Variants in CDH12 observed in about 807,000 individuals in gnomAD.
CDH12 encodes cadherin 12, also known as cadherin-12.
CDH12 carries 41 observed loss-of-function variants against 74.1 expected under a neutral mutation model. That is an observed-to-expected ratio of 0.55 (90% confidence interval 0.43 to 0.72). The LOEUF (loss-of-function observed/expected upper bound fraction) is 0.72. Ranked by LOEUF, CDH12 falls within the 30% of genes least tolerant of loss-of-function variation. CDH12 has a pLI of 0.00. For synonymous variants in CDH12, 399 were observed against 355.0 expected (o/e 1.12, Z -1.39); for missense variants, 945 against 977.2 (o/e 0.97, Z 0.44).
At chr5:22,503,295 T>C (rs898782757) in intron 2 of CDH12, among the ~76,000 whole-genome samples, 2 of 152,034 alleles carry the variant, frequency 1.3e-5, no homozygotes, top group African/African-American at 4.8e-5. Context: ...CCCTATGTGA[T>C]TGTTGAAAAA....
chr5:22,719,030 C>T (rs112716970), intron 1 of CDH12, among the ~76,000 whole-genome samples: 83 of 151,912 alleles, frequency 5.5e-4, no homozygotes, highest in African/African-American at 1.5e-3. Context: ...TTATCCCACC[C>T]GATGGTGGTT....
intron 3 of CDH12, among the ~76,000 whole-genome samples, chr5:22,348,782 G>T (rs180832508): frequency 4.8e-4 from 73 of 152,302 alleles, no homozygotes; most frequent in African/African-American, 1.6e-3. Flanking sequence ...TGTCCATAAT[G>T]CTAGGCACTC....
chr5:22,552,517 C>T (rs987253614), intron 1 of CDH12, among the ~76,000 whole-genome samples: 2 of 151,860 alleles, frequency 1.3e-5, no homozygotes, highest in African/African-American at 4.8e-5. Flanking sequence ...CAACCTCTGC[C>T]TCCTGGGTTC....
intron 3 of CDH12, among the ~76,000 whole-genome samples, chr5:22,377,268 A>G (rs1741568682): frequency 1.3e-5 from 2 of 152,208 alleles, no homozygotes; most frequent in Non-Finnish European, 2.9e-5. Context: ...AAAAACTTAC[A>G]TATTACAGTG....
intron 3 of CDH12, among the ~76,000 whole-genome samples, chr5:22,283,354 A>T (rs1305090119): frequency 6.7e-6 from 1 of 150,302 alleles, no homozygotes; most frequent in Non-Finnish European, 1.5e-5. Flanking sequence ...TATCACATTT[A>T]TATGTATCAC....
At chr5:22,681,577 A>G (rs1044260786) in intron 1 of CDH12, among the ~76,000 whole-genome samples, 2 of 152,094 alleles carry the variant, frequency 1.3e-5, no homozygotes, top group African/African-American at 4.8e-5. Context: ...AAACTATAAA[A>G]GGAGCAATTT....
intron 1 of CDH12, among the ~76,000 whole-genome samples, chr5:22,787,100 C>T (rs1364369188): frequency 6.6e-6 from 1 of 151,788 alleles, no homozygotes; most frequent in African/African-American, 2.4e-5. Context: ...ATTCACTGAA[C>T]TCGTGCATGT....
intron 1 of CDH12, among the ~76,000 whole-genome samples, chr5:22,536,470 A>T (rs974668555): frequency 2.0e-5 from 3 of 151,950 alleles, no homozygotes; most frequent in Non-Finnish European, 2.9e-5. Context: ...TGGCTTGCTG[A>T]TATTTTTGTA....
chr5:22,039,136 G>GGGAGCCT (rs1739397021), intron 5 of CDH12, among the ~76,000 whole-genome samples: 1 of 152,088 alleles, frequency 6.6e-6, no homozygotes. Context: ...GCAGGATCCA[G>GGGAGCCT]GGTCTACTAC....
intron 9 of CDH12, among the ~76,000 whole-genome samples, chr5:21,814,707 G>A (rs868477713): frequency 1.3e-5 from 2 of 149,652 alleles, no homozygotes; most frequent in Non-Finnish European, 3.0e-5. Context: ...TGAATCTTTC[G>A]TACCTTAATT....
At position 22,239,071 on chromosome 5, in the gene CDH12, G is replaced by T. The variant is rs147622165; in HGVS notation, c.-332-26428C>A. On this transcript the variant is annotated intron_variant, in intron 3 of 14. Transcript: ENST00000382254. Reference sequence around the variant, plus strand: ...AATATGATGGTTTTGTCTCAGCCTGGTTATAAGAAAGATGCACATTAATTA... The same window carrying T: ...AATATGATGGTTTTGTCTCAGCCTGTTTATAAGAAAGATGCACATTAATTA... Among the ~76,000 whole-genome samples the T allele has an allele frequency of 4.6e-5, 7 of 152,266 alleles. No individual in the cohort carries two copies. The East Asian group carries it at 7.7e-4, about 17-fold the overall frequency.
intron 1 of CDH12, among the ~76,000 whole-genome samples, chr5:22,784,339 A>G (rs1465238521): frequency 6.6e-6 from 1 of 152,108 alleles, no homozygotes; most frequent in Non-Finnish European, 1.5e-5. Flanking sequence ...TCCTGACTCC[A>G]CAACTTGAAT....
At chr5:22,828,754 T>A (rs1019841379) in intron 1 of CDH12, among the ~76,000 whole-genome samples, 1 of 152,112 alleles carries the variant, frequency 6.6e-6, no homozygotes, top group Non-Finnish European at 1.5e-5. Context: ...TACACAGAAA[T>A]ACAGGTAATT....
intron 3 of CDH12, among the ~76,000 whole-genome samples, chr5:22,241,590 C>G (rs1752755013): frequency 6.6e-6 from 1 of 151,742 alleles, no homozygotes; most frequent in South Asian, 2.1e-4. Context: ...ATTTTCTGTA[C>G]TATTTCATAC....
At chr5:21,771,003 T>A (rs1745295803) in intron 11 of CDH12, among the ~76,000 whole-genome samples, 1 of 152,128 alleles carries the variant, frequency 6.6e-6, no homozygotes, top group Non-Finnish European at 1.5e-5. Flanking sequence ...AAGTGGGAAC[T>A]AAACTTTGAG....
chr5:21,835,345 T>C (rs895554952), intron 8 of CDH12, among the ~76,000 whole-genome samples: 5 of 151,438 alleles, frequency 3.3e-5, no homozygotes, highest in African/African-American at 7.3e-5. Context: ...TCAGACTGTA[T>C]ATATATGTTA....
At chr5:22,095,984 T>C (rs1017417093) in intron 4 of CDH12, among the ~76,000 whole-genome samples, 1 of 151,678 alleles carries the variant, frequency 6.6e-6, no homozygotes, top group Non-Finnish European at 1.5e-5. Flanking sequence ...TCCAACCCCT[T>C]ATTTCCATGC....
Position 22,698,944 on chromosome 5 carries a change from G to A in CDH12, c.-523+154114C>T, listed in dbSNP as rs369639544. ...GTGATACCAATATTTCTTTGTGTTT[G>A]ATGTGCATTTCTTATCAAGACAGAA... is the stretch of plus-strand genomic sequence containing the variant. On this transcript the variant is annotated intron_variant, in intron 1 of 14. Coordinates refer to ENST00000382254, the MANE Select transcript of CDH12 (RefSeq NM_004061.5). Among the ~76,000 whole-genome samples, 3 of 151,614 alleles carry A rather than the reference G, an allele frequency of 2.0e-5. No individual in the cohort carries two copies. In the East Asian group the frequency reaches 5.8e-4, roughly 29 times the overall value.
At chr5:22,187,416 C>T (rs900434999) in intron 4 of CDH12, among the ~76,000 whole-genome samples, 2 of 152,158 alleles carry the variant, frequency 1.3e-5, no homozygotes, top group Non-Finnish European at 2.9e-5. Context: ...TTCCCAGCAA[C>T]TGAAAGTTTT....
Sources: allele counts gnomAD v4.1 joint callset (sites outside exome capture counted in the v4.1 genomes callset), GRCh38; gene constraint gnomAD v4.1.1; transcripts MANE v1.5; gene names NCBI Gene and HGNC (gene_info 2026-07-23, HGNC 2026-07-21).